RIDA: variants seen among roughly 807,000 people sequenced by gnomAD.
The protein encoded by RIDA is reactive intermediate imine deaminase A, also known as 2-iminobutanoate/2-iminopropanoate deaminase.
A neutral mutation model predicts 17.8 loss-of-function variants in RIDA; 17 were observed. That is an observed-to-expected ratio of 0.96 (90% confidence interval 0.65 to 1.43). The LOEUF (loss-of-function observed/expected upper bound fraction) is 1.43. RIDA is among the 40% of genes most tolerant of loss of function. The pLI is 0.00. For synonymous variants in RIDA, 48 were observed against 55.7 expected (o/e 0.86, Z 0.62); for missense variants, 158 against 161.7 (o/e 0.98, Z 0.12).
At chr8:98,106,030 T>C in intron 3 of RIDA, 24 bp from the exon 4 acceptor site, 4 of 1,522,588 alleles carry the variant, frequency 2.6e-6, no homozygotes, top group Non-Finnish European at 3.6e-6. Context: ...ACATTGTCAT[T>C]AGGTTTAGTT....
At chr8:98,116,836 G>A (rs116016998) in intron 1 of RIDA, among the ~76,000 whole-genome samples, 196 bp downstream of exon 1, 1,849 of 152,362 alleles carry the variant, frequency 0.012, 35 homozygotes, top group African/African-American at 0.042. Flanking sequence ...GCCCCAGAAC[G>A]AGCAAAGTCC....
At chr8:98,104,182 A>C (rs949763925) in intron 5 of RIDA, among the ~76,000 whole-genome samples, 1 of 151,306 alleles carries the variant, frequency 6.6e-6, no homozygotes, top group Non-Finnish European at 1.5e-5. Context: ...CCTGGGTTCA[A>C]GTGTTCCTCC....
At chr8:98,112,095 T>G (rs1190826131) in intron 1 of RIDA, among the ~76,000 whole-genome samples, 2 of 151,676 alleles carry the variant, frequency 1.3e-5, no homozygotes, top group African/African-American at 4.9e-5. Context: ...TGCTTCCTCA[T>G]TTTTTTTAAC....
chr8:98,104,086 T>TA (rs986843700), intron 5 of RIDA, among the ~76,000 whole-genome samples: 11 of 149,918 alleles, frequency 7.3e-5, no homozygotes, highest in African/African-American at 2.7e-4. Flanking sequence ...TCTTTTCTTT[T>TA]TTTTTTTTTT....
At chr8:98,115,945 C>CA (rs1394986997) in intron 1 of RIDA, among the ~76,000 whole-genome samples, 2 of 151,926 alleles carry the variant, frequency 1.3e-5, no homozygotes, top group Non-Finnish European at 2.9e-5. Flanking sequence ...GGCAAACAAA[C>CA]AAACAAAAAA....
intron 1 of RIDA, among the ~76,000 whole-genome samples, chr8:98,115,241 A>G (rs900030029): frequency 3.3e-5 from 5 of 151,882 alleles, no homozygotes; most frequent in Non-Finnish European, 5.9e-5. Flanking sequence ...TACAAAAATT[A>G]GCCGGGTGTG....
At chr8:98,111,166 C>T (rs545857370) in intron 1 of RIDA, among the ~76,000 whole-genome samples, 39 of 152,044 alleles carry the variant, frequency 2.6e-4, no homozygotes, top group African/African-American at 9.2e-4. Context: ...AGGATAAAAT[C>T]ACAGGAAAAA....
At chr8:98,104,645 C>T in intron 4 of RIDA, 101 bp from the exon 5 acceptor site, 1 of 683,778 alleles carries the variant, frequency 1.5e-6, no homozygotes, top group Non-Finnish European at 2.5e-6. Context: ...TATTGTTATT[C>T]AATATCTACA....
chr8:98,110,752 C>T (rs537195807), intron 1 of RIDA, among the ~76,000 whole-genome samples: 189 of 152,246 alleles, frequency 1.2e-3, no homozygotes, highest in African/African-American at 4.5e-3. Context: ...TGTCCTTGCC[C>T]AAACCTCATC....
intron 2 of RIDA, 48 bp downstream of exon 2, chr8:98,108,598 T>C: frequency 8.6e-7 from 1 of 1,163,008 alleles, no homozygotes; most frequent in Non-Finnish European, 1.3e-6. Flanking sequence ...CTCTTCAACA[T>C]TAAAAAGGTA....
intron 1 of RIDA, among the ~76,000 whole-genome samples, chr8:98,115,035 T>C (rs371306031): frequency 2.0e-5 from 3 of 152,060 alleles, no homozygotes; most frequent in Admixed American, 1.3e-4. Context: ...CACACATCAG[T>C]TTCTTCATCT....
At chr8:98,116,201 A>G (rs1815820216) in intron 1 of RIDA, among the ~76,000 whole-genome samples, 1 of 152,236 alleles carries the variant, frequency 6.6e-6, no homozygotes, top group African/African-American at 2.4e-5. Context: ...GAACCTTCCT[A>G]AATCTTCTTT....
At chr8:98,104,418 AG>A (rs1210785122) in intron 5 of RIDA, 70 bp downstream of exon 5, 34 of 976,004 alleles carry the variant, frequency 3.5e-5, no homozygotes, top group Non-Finnish European at 4.9e-5. Context: ...CACAGTGCTT[AG>A]TTTACTTATA....
intron 1 of RIDA, among the ~76,000 whole-genome samples, chr8:98,113,097 A>T (rs987351535): frequency 6.6e-6 from 1 of 152,232 alleles, no homozygotes; most frequent in Non-Finnish European, 1.5e-5. Flanking sequence ...AAGCATTCTA[A>T]TAATTCTCAC....
intron 4 of RIDA, among the ~76,000 whole-genome samples, chr8:98,105,656 G>A (rs1262548909): frequency 6.6e-6 from 1 of 152,150 alleles, no homozygotes; most frequent in Non-Finnish European, 1.5e-5. Flanking sequence ...AACTTGTTAG[G>A]AGAGTTTAAA....
At chr8:98,103,761 C>T (rs1391443259) in intron 5 of RIDA, among the ~76,000 whole-genome samples, 10 of 151,962 alleles carry the variant, frequency 6.6e-5, no homozygotes, top group African/African-American at 9.7e-5. Context: ...CTCAGCCTCC[C>T]GAGTAGCTGG....
intron 1 of RIDA, among the ~76,000 whole-genome samples, chr8:98,114,363 T>C (rs1440737482): frequency 6.6e-6 from 1 of 151,328 alleles, no homozygotes; most frequent in African/African-American, 2.4e-5. Flanking sequence ...TCTCGCTCTG[T>C]AGCCCAGGCT....
rs115415583 is a variant in RIDA at position 98,102,992 on chromosome 8, A to G, written c.352-88T>C. The stretch of plus-strand genomic sequence containing the variant: ...CTACTAAAAACATGCAACCAACAGC[A>G]ATATAACATTTTTAACATTAAACTT... On this transcript the variant is annotated intron_variant, in intron 5 of 5. Coordinates refer to ENST00000254878, the MANE Select transcript of RIDA (RefSeq NM_005836.3). The G allele has an allele frequency of 1.1e-3, 947 of 857,212 alleles. 8 individuals carry two copies. The African/African-American group carries it at 0.012, about 11-fold the overall frequency. 53.1% of individuals were successfully genotyped at this position (857,212 alleles called of 1,614,324 possible).
intron 2 of RIDA, 78 bp downstream of exon 2, chr8:98,108,568 A>C (rs1483658033): frequency 3.5e-6 from 3 of 847,840 alleles, no homozygotes; most frequent in East Asian, 2.5e-5. Context: ...AAAACAAATC[A>C]GGCAAGTGGA....
Sources: allele counts gnomAD v4.1 joint callset (sites outside exome capture counted in the v4.1 genomes callset), GRCh38; gene constraint gnomAD v4.1.1; transcripts MANE v1.5; gene names NCBI Gene and HGNC (gene_info 2026-07-23, HGNC 2026-07-21).